The following SPOPL variants were observed in gnomAD, a reference collection of about 807,000 sequenced individuals.
SPOPL encodes the protein speckle type BTB/POZ protein like, also known as speckle-type POZ protein-like.
A neutral mutation model predicts 53.8 loss-of-function variants in SPOPL; 23 were observed. That is an observed-to-expected ratio of 0.43 (90% CI 0.31 to 0.61). SPOPL has a LOEUF of 0.61. Among genes scored for constraint, SPOPL ranks in the 20% least tolerant of loss-of-function variants. The pLI, the probability that SPOPL is intolerant of heterozygous loss-of-function variation, is 0.12. For missense variants in SPOPL, 442 were observed against 466.9 expected (o/e 0.95, Z 0.49); for synonymous variants, 164 against 149.7 (o/e 1.10, Z -0.70).
At chr2:138,524,513 GT>G (rs1489074151) in intron 1 of SPOPL, among the ~76,000 whole-genome samples, 1 of 152,196 alleles carries the variant, frequency 6.6e-6, no homozygotes, top group Non-Finnish European at 1.5e-5. Context: ...CTATCACATT[GT>G]CAGGCTGCAA....
chr2:138,521,534 A>T (rs577831670), intron 1 of SPOPL, among the ~76,000 whole-genome samples: 1 of 152,114 alleles, frequency 6.6e-6, no homozygotes, highest in African/African-American at 2.4e-5. Context: ...ACAGGGGTTC[A>T]CTCTTAGTTT....
chr2:138,531,283 A>G (rs1300763617), intron 1 of SPOPL, among the ~76,000 whole-genome samples: 1 of 151,866 alleles, frequency 6.6e-6, no homozygotes, highest in Non-Finnish European at 1.5e-5. Context: ...AGTATACTTC[A>G]TGGAGTTACT....
At chr2:138,523,446 G>A (rs1031599734) in intron 1 of SPOPL, among the ~76,000 whole-genome samples, 3 of 152,018 alleles carry the variant, frequency 2.0e-5, no homozygotes, top group African/African-American at 4.8e-5. Flanking sequence ...CTCAAATCTC[G>A]TATCTTCACA....
intron 1 of SPOPL, among the ~76,000 whole-genome samples, chr2:138,535,471 T>C (rs1684908639): frequency 6.6e-6 from 1 of 151,692 alleles, no homozygotes; most frequent in South Asian, 2.1e-4. Flanking sequence ...ACAAGCAATG[T>C]CCAAGGATTC....
intron 1 of SPOPL, among the ~76,000 whole-genome samples, chr2:138,532,442 T>A (rs1413042869): frequency 2.1e-4 from 30 of 143,052 alleles, no homozygotes; most frequent in Admixed American, 1.6e-3. Context: ...TTTTTTTTTT[T>A]TTGAGATAGA....
At chr2:138,505,219 T>C (rs1415073156) in intron 1 of SPOPL, among the ~76,000 whole-genome samples, 1 of 152,166 alleles carries the variant, frequency 6.6e-6, no homozygotes, top group Non-Finnish European at 1.5e-5. Flanking sequence ...GTGAAGAAAG[T>C]AAAGGAGATG....
chr2:138,522,064 G>A (rs184333167), intron 1 of SPOPL, among the ~76,000 whole-genome samples: 7 of 152,076 alleles, frequency 4.6e-5, no homozygotes, highest in East Asian at 1.9e-4. Context: ...AAGCTGACCC[G>A]GACCCGCTGA....
intron 5 of SPOPL, among the ~76,000 whole-genome samples, chr2:138,556,491 C>T (rs931720913): frequency 2.0e-5 from 3 of 152,128 alleles, no homozygotes; most frequent in Non-Finnish European, 2.9e-5. Flanking sequence ...ATTTCAAGAG[C>T]AGTGCTTGAT....
intron 1 of SPOPL, among the ~76,000 whole-genome samples, chr2:138,530,126 T>A (rs1313179452): frequency 6.6e-6 from 1 of 152,206 alleles, no homozygotes; most frequent in Non-Finnish European, 1.5e-5. Flanking sequence ...TCCAGCTCTA[T>A]CCATGTTCCT....
intron 1 of SPOPL, among the ~76,000 whole-genome samples, chr2:138,525,664 A>AAAAAACC (rs70978297): frequency 2.6e-5 from 1 of 38,610 alleles, no homozygotes; most frequent in Non-Finnish European, 8.0e-5. Context: ...TAGAAAAAAA[A>AAAAAACC]AAAAAAAAAA....
At chr2:138,524,097 A>G (rs1460793950) in intron 1 of SPOPL, among the ~76,000 whole-genome samples, 3 of 152,280 alleles carry the variant, frequency 2.0e-5, no homozygotes, top group South Asian at 2.1e-4. Context: ...AGGTGTTTCT[A>G]TACATCTTCT....
intron 1 of SPOPL, among the ~76,000 whole-genome samples, chr2:138,547,566 T>C (rs1685222051): frequency 6.6e-6 from 1 of 152,156 alleles, no homozygotes; most frequent in Non-Finnish European, 1.5e-5. Context: ...CACAAGATCT[T>C]ACGTATTTTC....
chr2:138,518,676 A>G (rs72984635), intron 1 of SPOPL, among the ~76,000 whole-genome samples: 2,496 of 152,288 alleles, frequency 0.016, 77 homozygotes, highest in African/African-American at 0.057. Context: ...TTAGACATCA[A>G]TCTGTCTTTT....
At chr2:138,562,104 G>C (rs1366888122) in intron 8 of SPOPL, among the ~76,000 whole-genome samples, 2 of 151,632 alleles carry the variant, frequency 1.3e-5, no homozygotes, top group Non-Finnish European at 2.9e-5. Flanking sequence ...TAAAATGTCA[G>C]TTGTCTTTAA....
intron 1 of SPOPL, among the ~76,000 whole-genome samples, chr2:138,505,949 T>C (rs1278415429): frequency 6.6e-6 from 1 of 152,162 alleles, no homozygotes; most frequent in Non-Finnish European, 1.5e-5. Flanking sequence ...TTTCTGGACC[T>C]GGAAGGTCCA....
At chr2:138,515,065 G>T (rs186883984) in intron 1 of SPOPL, among the ~76,000 whole-genome samples, 22 of 152,116 alleles carry the variant, frequency 1.4e-4, no homozygotes, top group African/African-American at 5.3e-4. Context: ...TGGTCACCTT[G>T]CCAGTTGGTA....
intron 1 of SPOPL, among the ~76,000 whole-genome samples, chr2:138,520,062 C>T (rs1684523565): frequency 6.6e-6 from 1 of 152,098 alleles, no homozygotes. Flanking sequence ...AATTATCTGT[C>T]ACTAGTTGAA....
At chr2:138,533,449 C>A (rs1349772081) in intron 1 of SPOPL, among the ~76,000 whole-genome samples, 1 of 151,946 alleles carries the variant, frequency 6.6e-6, no homozygotes, top group Non-Finnish European at 1.5e-5. Flanking sequence ...TAGTTTTTGC[C>A]AAGAGTAGGG....
chr2:138,505,582 CTG>C (rs1426455878), intron 1 of SPOPL, among the ~76,000 whole-genome samples: 2 of 111,494 alleles, frequency 1.8e-5, no homozygotes, highest in African/African-American at 3.7e-5. Context: ...CATGGTGAAA[CTG>C]TGTCTCTTCT....
Sources: gnomAD v4.1 joint callset for allele counts (sites outside exome capture counted in the v4.1 genomes callset) on GRCh38, gnomAD v4.1.1 for gene constraint, MANE v1.5 for transcripts, NCBI Gene and HGNC (gene_info 2026-07-23, HGNC 2026-07-21) for gene names.